C4orf50: variants seen among roughly 807,000 people sequenced by gnomAD.
C4orf50 encodes the protein uncharacterized protein C4orf50.
A neutral mutation model predicts 77.2 loss-of-function variants in C4orf50; 80 were observed. The observed-to-expected ratio is 1.04, with a 90% CI of 0.87 to 1.25. The LOEUF (loss-of-function observed/expected upper bound fraction) is 1.25, where lower values mean the gene tolerates loss of function less well. C4orf50 is among the 50% of genes most tolerant of loss of function. The pLI, the probability that C4orf50 is intolerant of heterozygous loss-of-function variation, is 0.00. For missense variants in C4orf50, 1,257 were observed against 1,152.9 expected, an observed-to-expected ratio of 1.09 and a Z score of -1.31; for synonymous variants, 532 against 465.3, an observed-to-expected ratio of 1.14 and a Z score of -1.84.
chr4:5,980,430 A>AT, intron 28 of C4orf50, 92 bp from the exon 7 acceptor site: 3 of 1,172,030 alleles, frequency 2.6e-6, no homozygotes, highest in Non-Finnish European at 2.3e-6. Flanking sequence ...CCCACTCCGT[A>AT]GTTTTTTTTT....
At chr4:5,987,709 T>C (rs1720956207) in intron 28 of C4orf50, among the ~76,000 whole-genome samples, 1 of 151,066 alleles carries the variant, frequency 6.6e-6, no homozygotes, top group African/African-American at 2.4e-5. Flanking sequence ...GAAATAGAGA[T>C]AGAAAATGGA....
At position 6,017,445 on chromosome 4, in the gene C4orf50, C is replaced by T. The variant is rs977759294; in HGVS notation, c.287+700G>A. On this transcript the variant is annotated intron_variant, in intron 23 of 33. Coordinates refer to ENST00000531445, the Ensembl canonical transcript of C4orf50. The surrounding 1 kb of genome is among the most constrained non-coding windows in gnomAD (Gnocchi z 4.7). ...TTTTAAACGCTAATCCAGCAGGTGA[C>T]TCTTGACTAACCCTGAGTCCACGAA... is the stretch of plus-strand genomic sequence containing the variant. 1.3e-5 allele frequency among the ~76,000 whole-genome samples: 2 copies of T among 152,236 alleles called. No homozygotes were observed. Among genetic ancestry groups the T allele is most frequent in the Non-Finnish European group, 2.9e-5 (2 of 68,042 alleles).
rs560388714 is a variant in C4orf50, at chr4:6,018,159, G to A, written c.273C>T (p.Ser91=). 7.5e-5 allele frequency: 30 copies of A among 398,732 alleles called. No homozygotes were observed. Among genetic ancestry groups the A allele is most frequent in the East Asian group, 2.9e-4 (8 of 28,062 alleles). The allele number at this position is 398,732 out of a possible 1,614,324, so 24.7% of individuals were successfully genotyped here. The change falls in exon 23 of 34, where the codon TCC becomes TCT. Residue 91 remains serine (S), a synonymous_variant. Transcript: ENST00000531445. The surrounding 1 kb of genome is among the most constrained non-coding windows in gnomAD (Gnocchi z 5.1). ...GGCATCGCTACCTGCTTCTCAGCCCGGACTCCGATGTCACGTACTTGTCCT... is the reference window on the plus strand; with the variant it reads ...GGCATCGCTACCTGCTTCTCAGCCCAGACTCCGATGTCACGTACTTGTCCT...
At chr4:5,939,507 C>T (rs1015086061) in intron 7 of C4orf50, among the ~76,000 whole-genome samples, 4 of 152,228 alleles carry the variant, frequency 2.6e-5, no homozygotes, top group African/African-American at 9.6e-5. Flanking sequence ...AGTGTGCTCA[C>T]TGACGGCTGC....
At position 5,952,073 on chromosome 4, in the gene C4orf50, C is replaced by T. The variant is rs1718748684; in HGVS notation, c.*2474+4828G>A. Among the ~76,000 whole-genome samples, 1 of 152,192 alleles carries T rather than the reference C, an allele frequency of 6.6e-6. No homozygotes were observed. The highest frequency in any genetic ancestry group is 1.5e-5 in the Non-Finnish European group (1 of 68,038). On this transcript the variant is annotated intron_variant, in intron 7 of 7. Coordinates refer to the C4orf50 transcript ENST00000324058. This position sits in a 1 kb window ranked among gnomAD's most constrained non-coding sequence, Gnocchi z 4.4. Reference sequence around the variant, plus strand: ...TTAAAATAAAATGAATCAACTAGTTCATGGAGTCATTCAACAAGCATGTAT... The same window carrying T: ...TTAAAATAAAATGAATCAACTAGTTTATGGAGTCATTCAACAAGCATGTAT...
At chr4:5,940,313 C>T (rs1052311712) in intron 7 of C4orf50, among the ~76,000 whole-genome samples, 1 of 152,200 alleles carries the variant, frequency 6.6e-6, no homozygotes, top group Non-Finnish European at 1.5e-5. Context: ...AATCTTCCTT[C>T]TTATTTGTAA....
chr4:5,932,245 T>G lies in C4orf50; in HGVS notation c.*2474+24656A>C, dbSNP rs1717800089. The stretch of plus-strand genomic sequence containing the variant: ...CCCACAGAGCAGAAGCGTGTCGCAT[T>G]TCTACTCTGGCACACTCTTTCCTTG... On this transcript the variant is annotated intron_variant, in intron 7 of 7. Coordinates refer to the C4orf50 transcript ENST00000324058. The surrounding 1 kb of genome is among the most constrained non-coding windows in gnomAD (Gnocchi z 4.2). 6.6e-6 allele frequency among the ~76,000 whole-genome samples: 1 copy of G among 150,730 alleles called. No individual in the cohort carries two copies. The highest frequency in any genetic ancestry group is 1.5e-5 in the Non-Finnish European group (1 of 67,652).
chr4:5,959,713 T>C (rs751094377), intron 33 of C4orf50, 87 bp from the exon 12 acceptor site: 2 of 1,477,214 alleles, frequency 1.4e-6, no homozygotes, highest in Non-Finnish European at 1.8e-6. Context: ...AAGGAAGAGA[T>C]GACAGTGATA....
chr4:5,966,092 CT>C (rs1719548288), intron 32 of C4orf50, among the ~76,000 whole-genome samples: 1 of 152,254 alleles, frequency 6.6e-6, no homozygotes, highest in African/African-American at 2.4e-5. Flanking sequence ...CAAATACCAC[CT>C]GTTCCCCCAA....
At chr4:5,984,343 A>C (rs534066526) in intron 28 of C4orf50, among the ~76,000 whole-genome samples, 2 of 152,356 alleles carry the variant, frequency 1.3e-5, no homozygotes, top group East Asian at 1.9e-4. Context: ...CCATTAAACA[A>C]AATAGTCAAT....
Position 5,999,184 on chromosome 4 carries a change from C to T in C4orf50, c.964-4708G>A, listed in dbSNP as rs190852964. Among the ~76,000 whole-genome samples the T allele has an allele frequency of 1.4e-4, 21 of 152,296 alleles. 1 individual carries two copies. In the East Asian group the frequency reaches 4.1e-3, roughly 29 times the overall value. On this transcript the variant is annotated intron_variant, in intron 25 of 33. Transcript: ENST00000531445. ...CACACTTTTATAATGACTGCCTTTG[C>T]CATAGTTCACACCATGGCTCCCAGA...
Position 5,932,129 on chromosome 4 carries a change from A to T in C4orf50, c.*2474+24772T>A, listed in dbSNP as rs1717795578. On this transcript the variant is annotated intron_variant, in intron 7 of 7. Transcript: ENST00000324058. This position sits in a 1 kb window ranked among gnomAD's most constrained non-coding sequence, Gnocchi z 4.2. The stretch of plus-strand genomic sequence containing the variant: ...TGCCCCCCTCTCAGCTGAGGAAGGC[A>T]GGTGTAACTCACTAACCTGCCAGGT... 6.9e-6 allele frequency among the ~76,000 whole-genome samples: 1 copy of T among 145,466 alleles called. No individual in the cohort carries two copies. Among genetic ancestry groups the T allele is most frequent in the Non-Finnish European group, 1.5e-5 (1 of 67,478 alleles).
At position 5,932,464 on chromosome 4, in the gene C4orf50, G is replaced by A. The variant is rs1338462778; in HGVS notation, c.*2474+24437C>T. Among the ~76,000 whole-genome samples the A allele has an allele frequency of 6.6e-6, 1 of 152,154 alleles. No individual in the cohort carries two copies. Among genetic ancestry groups the A allele is most frequent in the South Asian group, 2.1e-4 (1 of 4,826 alleles). On this transcript the variant is annotated intron_variant, in intron 7 of 7. Coordinates refer to the C4orf50 transcript ENST00000324058. The surrounding 1 kb of genome is among the most constrained non-coding windows in gnomAD (Gnocchi z 4.2). ...CTGTGGTGGGAACATTACAGTGTTT[G>A]TTTGTTTTGGAGCCTGGCTGGAGTG... is the stretch of plus-strand genomic sequence containing the variant.
chr4:5,980,233 C>T (rs755087606), exon 29 of C4orf50: 24 of 1,610,934 alleles, frequency 1.5e-5, no homozygotes, highest in Middle Eastern at 1.7e-4. Context: ...TGGTGGGCAG[C>T]GCCCTGGTCC....
At chr4:5,952,621 G>A (rs1718780294), downstream of C4orf50, among the ~76,000 whole-genome samples, 1 of 152,196 alleles carries the variant, frequency 6.6e-6, no homozygotes, top group Non-Finnish European at 1.5e-5. The surrounding 1 kb of genome is among the most constrained non-coding windows in gnomAD (Gnocchi z 4.4). Flanking sequence ...CCGTCCTTAA[G>A]GGAACTTGGG....
At chr4:5,987,959 A>G (rs1720969326) in intron 28 of C4orf50, among the ~76,000 whole-genome samples, 1 of 152,202 alleles carries the variant, frequency 6.6e-6, no homozygotes. Flanking sequence ...TGCAACTTTC[A>G]AGACCCAATG....
chr4:5,908,742 T>C lies in C4orf50; in HGVS notation c.*2475-10554A>G, dbSNP rs13146468. Among the ~76,000 whole-genome samples, 58,762 of 151,968 alleles carry C rather than the reference T, an allele frequency of 0.39. 14,151 individuals are homozygous for C. The highest frequency in any genetic ancestry group is 0.75 in the East Asian group (3,894 of 5,158). ...CTGCCCTTGACACCATTCACCTAGC[T>C]CCCAAGGTCATGCAGCCTTCAGTGG... On this transcript the variant is annotated intron_variant, in intron 7 of 7. Coordinates refer to the C4orf50 transcript ENST00000324058. This position sits in a 1 kb window ranked among gnomAD's most constrained non-coding sequence, Gnocchi z 5.6.
intron 7 of C4orf50, among the ~76,000 whole-genome samples, chr4:5,920,943 G>A (rs1057506269): frequency 3.3e-5 from 5 of 150,520 alleles, no homozygotes; most frequent in African/African-American, 7.2e-5. Context: ...GGGAAGCCTC[G>A]GGTTGTACGA....
chr4:5,964,934 T>C (rs1719483104), intron 33 of C4orf50, 90 bp downstream of exon 11: 1 of 1,298,300 alleles, frequency 7.7e-7, no homozygotes, highest in Admixed American at 1.9e-5. Context: ...TCTGGGTGTA[T>C]ATCGCTTGGA....
Sources: allele counts gnomAD v4.1 joint callset (sites outside exome capture counted in the v4.1 genomes callset), GRCh38; gene constraint gnomAD v4.1.1; non-coding constraint Gnocchi (gnomAD v3.1); transcripts MANE v1.5; gene names NCBI Gene and HGNC (gene_info 2026-07-23, HGNC 2026-07-21).